MARCHF1: variants seen among roughly 807,000 people sequenced by gnomAD.
MARCHF1 encodes membrane associated ring-CH-type finger 1.
Under a neutral mutation model 54.2 loss-of-function variants are expected in MARCHF1, and 40 were observed. The observed-to-expected ratio is 0.74, with a 90% confidence interval of 0.57 to 0.96. The LOEUF (loss-of-function observed/expected upper bound fraction) is 0.96, where lower values mean the gene tolerates loss of function less well. MARCHF1 is among the 40% of genes least tolerant of loss of function. MARCHF1 has a pLI of 0.00. For missense variants in MARCHF1, 586 were observed against 656.5 expected (o/e 0.89, Z 1.17); for synonymous variants, 236 against 236.3 (o/e 1.00, Z 0.01).
chr4:164,259,668 G>A (rs1733408634), intron 1 of MARCHF1, among the ~76,000 whole-genome samples: 1 of 151,792 alleles, frequency 6.6e-6, no homozygotes, highest in South Asian at 2.1e-4. Flanking sequence ...TTAAGCTGTT[G>A]TTTAGGGGAA....
intron 5 of MARCHF1, among the ~76,000 whole-genome samples, chr4:163,620,000 T>G (rs1741628236): frequency 6.6e-6 from 1 of 152,166 alleles, no homozygotes; most frequent in Admixed American, 6.5e-5. Flanking sequence ...AAATAATGCC[T>G]CATTTTATTG....
intron 7 of MARCHF1, among the ~76,000 whole-genome samples, chr4:163,605,746 G>A (rs186072194): frequency 2.0e-4 from 31 of 152,242 alleles, no homozygotes; most frequent in African/African-American, 6.5e-4. Context: ...ATGAGTTCAC[G>A]TCCTTAGCAG....
intron 1 of MARCHF1, among the ~76,000 whole-genome samples, chr4:164,245,679 A>C (rs1398911407): frequency 6.6e-6 from 1 of 151,920 alleles, no homozygotes; most frequent in Admixed American, 6.6e-5. Context: ...TGCAGATGAC[A>C]TGATTATATA....
chr4:164,204,098 T>C (rs1376818749), intron 1 of MARCHF1, among the ~76,000 whole-genome samples: 1 of 152,158 alleles, frequency 6.6e-6, no homozygotes, highest in South Asian at 2.1e-4. Flanking sequence ...TTCCCTACTA[T>C]ATATGAGAAA....
intron 1 of MARCHF1, among the ~76,000 whole-genome samples, chr4:164,374,466 T>G (rs568289266): frequency 9.5e-4 from 144 of 152,250 alleles, no homozygotes; most frequent in African/African-American, 3.3e-3. Context: ...CATTACTGGG[T>G]AATGTATGTT....
chr4:164,308,565 C>G (rs1457987734), intron 1 of MARCHF1, among the ~76,000 whole-genome samples: 1 of 151,830 alleles, frequency 6.6e-6, no homozygotes, highest in Non-Finnish European at 1.5e-5. Context: ...AACACCACAA[C>G]TAATTGTGGG....
intron 1 of MARCHF1, among the ~76,000 whole-genome samples, chr4:164,251,194 A>T (rs1733112862): frequency 6.6e-6 from 1 of 151,886 alleles, no homozygotes; most frequent in Non-Finnish European, 1.5e-5. Flanking sequence ...CCCTAACAAA[A>T]CCTCTTTGAA....
intron 5 of MARCHF1, among the ~76,000 whole-genome samples, chr4:163,618,213 C>T (rs1033140668): frequency 1.3e-5 from 2 of 152,196 alleles, no homozygotes; most frequent in Non-Finnish European, 2.9e-5. Flanking sequence ...ATCCTCGGCC[C>T]TCTTCTGAGT....
At chr4:164,242,261 C>T (rs1427531823) in intron 1 of MARCHF1, among the ~76,000 whole-genome samples, 1 of 143,744 alleles carries the variant, frequency 7.0e-6, no homozygotes, top group African/African-American at 2.6e-5. Context: ...GTGGTTCTCC[C>T]AGCACGCAGC....
chr4:163,662,615 T>C (rs1743381184), intron 5 of MARCHF1, among the ~76,000 whole-genome samples: 1 of 151,996 alleles, frequency 6.6e-6, no homozygotes, highest in African/African-American at 2.4e-5. Context: ...CTGATAGAAA[T>C]TTTCCTCAAA....
intron 1 of MARCHF1, among the ~76,000 whole-genome samples, chr4:164,236,029 G>C (rs923343539): frequency 2.0e-5 from 3 of 152,032 alleles, no homozygotes; most frequent in Non-Finnish European, 4.4e-5. Flanking sequence ...CTCCTGATAC[G>C]TAGGAAGCAA....
intron 1 of MARCHF1, among the ~76,000 whole-genome samples, chr4:164,259,754 C>A (rs1284951627): frequency 6.6e-6 from 1 of 152,046 alleles, no homozygotes; most frequent in East Asian, 1.9e-4. Flanking sequence ...GTGTATGACA[C>A]AACTTCTGGC....
chr4:164,324,435 AT>A (rs981242708), intron 1 of MARCHF1, among the ~76,000 whole-genome samples: 62 of 151,886 alleles, frequency 4.1e-4, no homozygotes, highest in African/African-American at 1.4e-3. Flanking sequence ...AAAGAAAAAA[AT>A]AAAATTGTCT....
intron 2 of MARCHF1, among the ~76,000 whole-genome samples, chr4:164,028,862 G>A (rs2110986786): frequency 6.6e-6 from 1 of 152,274 alleles, no homozygotes; most frequent in African/African-American, 2.4e-5. Context: ...GTCTCAGAAA[G>A]TGTTGTTGAG....
intron 1 of MARCHF1, among the ~76,000 whole-genome samples, chr4:164,213,225 T>TTAA (rs1355923483): frequency 7.0e-6 from 1 of 143,270 alleles, no homozygotes; most frequent in Non-Finnish European, 1.5e-5. Context: ...ATTATTATTA[T>TTAA]TATTATTATT....
Position 163,676,067 on chromosome 4 carries a change from G to A in MARCHF1, c.162+24746C>T, listed in dbSNP as rs148125673. Among the ~76,000 whole-genome samples, 219 of 151,856 alleles carry A rather than the reference G, an allele frequency of 1.4e-3. 1 individual carries two copies. The highest frequency in any genetic ancestry group is 2.6e-3 in the Non-Finnish European group (179 of 67,988). ...TGTCAGAAATCAGAAGATTGGCCGG[G>A]TGTGGTGGTTCATGTCTGAAATCTC... On this transcript the variant is annotated intron_variant, in intron 5 of 9. Coordinates refer to ENST00000514618, the MANE Select transcript of MARCHF1 (RefSeq NM_001394959.1).
At chr4:163,698,236 G>T (rs1416683229) in intron 5 of MARCHF1, among the ~76,000 whole-genome samples, 1 of 152,002 alleles carries the variant, frequency 6.6e-6, no homozygotes, top group Non-Finnish European at 1.5e-5. Flanking sequence ...AAAAAATCTT[G>T]GTTCCAATGT....
intron 1 of MARCHF1, among the ~76,000 whole-genome samples, chr4:164,265,109 C>T (rs1380649735): frequency 2.0e-5 from 3 of 152,006 alleles, no homozygotes; most frequent in Non-Finnish European, 4.4e-5. Context: ...AATATATTAT[C>T]ATGCTCCTTT....
chr4:164,259,918 G>A (rs1733415240), intron 1 of MARCHF1, among the ~76,000 whole-genome samples: 1 of 152,114 alleles, frequency 6.6e-6, no homozygotes, highest in Non-Finnish European at 1.5e-5. Context: ...AAAAATTCTG[G>A]TCTAAAGTGG....
Sources: gnomAD v4.1 joint callset for allele counts (sites outside exome capture counted in the v4.1 genomes callset) on GRCh38, gnomAD v4.1.1 for gene constraint, MANE v1.5 for transcripts, NCBI Gene and HGNC (gene_info 2026-07-23, HGNC 2026-07-21) for gene names.